Variants in APOBEC2 observed in about 807,000 individuals in gnomAD.
APOBEC2 encodes the protein C->U-editing enzyme APOBEC-2.
In APOBEC2, 14 loss-of-function variants were observed where a neutral mutation model predicts 19.4. The ratio of observed to expected loss-of-function variants is 0.72; its 90% CI spans 0.48 to 1.13. The LOEUF is 1.13. Among genes scored for constraint, APOBEC2 ranks in the 50% most tolerant of loss-of-function variants. The probability of loss-of-function intolerance (pLI) is 0.00; values close to 1 mark genes in which losing one functional copy is unlikely to be tolerated. For missense variants in APOBEC2, 304 were observed against 277.0 expected (o/e 1.10, Z -0.69); for synonymous variants, 127 against 112.1 (o/e 1.13, Z -0.84).
intron 1 of APOBEC2, among the ~76,000 whole-genome samples, 167 bp from the exon 2 acceptor site, chr6:41,061,156 CTTTTT>C (rs35586672): frequency 4.7e-5 from 5 of 105,652 alleles, no homozygotes; most frequent in Non-Finnish European, 5.5e-5. Flanking sequence ...TTTTTTAATG[CTTTTT>C]TTTTTTTTTT....
chr6:41,063,750 G>A (rs947560733), intron 2 of APOBEC2, among the ~76,000 whole-genome samples: 4 of 147,240 alleles, frequency 2.7e-5, no homozygotes, highest in East Asian at 4.0e-4. Flanking sequence ...CTTGAGAAAT[G>A]AGCATTTGTT....
intron 1 of APOBEC2, among the ~76,000 whole-genome samples, chr6:41,061,078 C>T (rs906706330): frequency 6.6e-6 from 1 of 151,606 alleles, no homozygotes; most frequent in African/African-American, 2.4e-5. Flanking sequence ...GAGACAATGT[C>T]CTAGTAGGGT....
At chr6:41,058,725 G>A (rs148228459) in intron 1 of APOBEC2, among the ~76,000 whole-genome samples, 13 of 152,212 alleles carry the variant, frequency 8.5e-5, no homozygotes, top group East Asian at 3.9e-4. Context: ...TAGCTATTTC[G>A]GTCTGTGAGA....
In APOBEC2 at chr6:41,053,421, A is replaced by G. The variant is rs765323489; in HGVS notation, c.74A>G (p.Asp25Gly). 2 of 1,614,212 alleles carry G rather than the reference A, an allele frequency of 1.2e-6. No individual in the cohort carries two copies. The highest frequency in any genetic ancestry group is 2.2e-5 in the South Asian group (2 of 91,082). ...SQNGEDLENLDDPEKLKELIE... is the reference protein window; with the variant it reads ...SQNGEDLENLGDPEKLKELIE... ...AATGGGGAGGATCTGGAGAACCTGG[A>G]CGACCCTGAGAAGCTGAAAGAGCTG... The change falls in exon 1 of 3, where the codon GAC becomes GGC. Residue 25 changes from aspartate (D) to glycine (G), a missense_variant. Physicochemically the swap from Asp to Gly is moderately conservative, Grantham distance 94 (BLOSUM62 -1). Transcript: ENST00000244669.
Position 41,064,643 on chromosome 6 carries a change from TG to T in APOBEC2, c.*565del, listed in dbSNP as rs1247312796. The T allele has an allele frequency of 6.6e-6, 1 of 152,044 alleles. No individual in the cohort carries two copies. Among genetic ancestry groups the T allele is most frequent in the Non-Finnish European group, 1.5e-5 (1 of 68,014 alleles). The allele number at this position is 152,044 out of a possible 1,614,324, so 9.4% of individuals were successfully genotyped here. A position where few individuals can be genotyped will look rare whatever the true frequency, so the allele number is the denominator to read the frequency against. On this transcript the variant is annotated 3_prime_UTR_variant, in exon 3 of 3. Coordinates refer to ENST00000244669, the MANE Select transcript of APOBEC2 (RefSeq NM_006789.4). The stretch of plus-strand genomic sequence containing the variant: ...GTTAAACCAAGACTTGCCTAGACAA[TG>T]CAGAATAACTCTCCCATACAGACTT...
chr6:41,063,837 T>A (rs999145475), intron 2 of APOBEC2, among the ~76,000 whole-genome samples: 20 of 151,428 alleles, frequency 1.3e-4, no homozygotes, highest in African/African-American at 4.4e-4. Context: ...TATTTAATCC[T>A]ATATTTAGTC....
intron 2 of APOBEC2, among the ~76,000 whole-genome samples, chr6:41,063,749 T>C (rs1762911944): frequency 6.7e-6 from 1 of 150,370 alleles, no homozygotes; most frequent in South Asian, 2.1e-4. Flanking sequence ...TCTTGAGAAA[T>C]GAGCATTTGT....
rs779393855 is a variant in APOBEC2 at position 41,061,596 on chromosome 6, C to A, written c.400C>A (p.Arg134Ser). The A allele has an allele frequency of 1.2e-6, 2 of 1,614,212 alleles. No homozygotes were observed. Among genetic ancestry groups the A allele is most frequent in the Non-Finnish European group, 1.7e-6 (2 of 1,180,036 alleles). The stretch of plus-strand genomic sequence containing the variant: ...CAGCCCCTGTGCAGCGTGTGCTGAC[C>A]GCATTATCAAAACCCTTAGCAAGAC... The part of the protein sequence containing the change: ...SSSPCAACAD[R>S]IIKTLSKTKN... Residue 134 changes from arginine (R) to serine (S), a missense_variant, in exon 2 of 3, where the codon CGC becomes AGC. Arg to Ser is a moderately radical substitution (Grantham distance 110, BLOSUM62 -1). Transcript: ENST00000244669.
At chr6:41,059,350 G>A (rs1483208022) in intron 1 of APOBEC2, among the ~76,000 whole-genome samples, 2 of 152,126 alleles carry the variant, frequency 1.3e-5, no homozygotes, top group African/African-American at 2.4e-5. Flanking sequence ...AGCAAGTTTG[G>A]GCAGGAACGG....
chr6:41,053,959 C>G (rs1762763091), intron 1 of APOBEC2, among the ~76,000 whole-genome samples: 2 of 152,164 alleles, frequency 1.3e-5, no homozygotes, highest in Admixed American at 6.5e-5. Context: ...TAGATGCTCC[C>G]AAGACAGGAA....
At chr6:41,055,656 T>C (rs892868380) in intron 1 of APOBEC2, among the ~76,000 whole-genome samples, 1 of 152,080 alleles carries the variant, frequency 6.6e-6, no homozygotes, top group African/African-American at 2.4e-5. Context: ...CAGTCCGACA[T>C]GAGGAGGGTA....
chr6:41,053,527 C>T lies in APOBEC2; in HGVS notation c.131+49C>T, dbSNP rs1561836189. ...GTTCTGCTCCCTAGAAGAGTGCAGC[C>T]TTGGGTTAGGCTGTGGAAATTCAGG... On this transcript the variant is annotated intron_variant, in intron 1 of 2. Transcript: ENST00000244669. 3.1e-6 allele frequency: 5 copies of T among 1,608,246 alleles called. No homozygotes were observed. The South Asian group carries it at 3.3e-5, about 11-fold the overall frequency.
At chr6:41,059,295 G>GT (rs780507309) in intron 1 of APOBEC2, among the ~76,000 whole-genome samples, 5 of 152,182 alleles carry the variant, frequency 3.3e-5, no homozygotes, top group Admixed American at 1.3e-4. Context: ...CATCATATAG[G>GT]TGGCCCTGGA....
chr6:41,053,401 G>T lies in APOBEC2; in HGVS notation c.54G>T (p.Gly18=). 2 of 1,614,152 alleles carry T rather than the reference G, an allele frequency of 1.2e-6. No individual in the cohort carries two copies. Among genetic ancestry groups the T allele is most frequent in the South Asian group, 2.2e-5 (2 of 91,082 alleles). Reference sequence around the variant, plus strand: ...CCACTGAGGCTGCCTCCCAGAATGGGGAGGATCTGGAGAACCTGGACGACC... The same window carrying T: ...CCACTGAGGCTGCCTCCCAGAATGGTGAGGATCTGGAGAACCTGGACGACC... ...AVATEAASQN[G]EDLENLDDPE... is the part of the protein sequence containing the mutation. The change falls in exon 1 of 3, where the codon GGG becomes GGT. Residue 18 remains glycine, a synonymous_variant. Coordinates refer to ENST00000244669, the MANE Select transcript of APOBEC2 (RefSeq NM_006789.4).
rs2114034177 is a variant in APOBEC2, at chr6:41,064,575, T to A, written c.*496T>A. 6.6e-6 allele frequency: 1 copy of A among 152,264 alleles called. No homozygotes were observed. Among genetic ancestry groups the A allele is most frequent in the Admixed American group, 6.5e-5 (1 of 15,294 alleles). The allele number at this position is 152,264 out of a possible 1,614,324, so 9.4% of individuals were successfully genotyped here. A position where few individuals can be genotyped will look rare whatever the true frequency, so the allele number is the denominator to read the frequency against. On this transcript the variant is annotated 3_prime_UTR_variant, in exon 3 of 3. Transcript: ENST00000244669. Reference sequence around the variant, plus strand: ...TGGAAGTTGCCACAGACAAGCGAGCTAGTCCAGACACAGGGACACTCCAGG... The same window carrying A: ...TGGAAGTTGCCACAGACAAGCGAGCAAGTCCAGACACAGGGACACTCCAGG...
intron 1 of APOBEC2, among the ~76,000 whole-genome samples, chr6:41,055,868 G>A (rs900740170): frequency 6.6e-6 from 1 of 152,230 alleles, no homozygotes; most frequent in African/African-American, 2.4e-5. Context: ...ATATCACCTC[G>A]GGAGCTTGAA....
chr6:41,054,516 C>G (rs191842418), intron 1 of APOBEC2, among the ~76,000 whole-genome samples: 1 of 152,284 alleles, frequency 6.6e-6, no homozygotes, highest in East Asian at 1.9e-4. Context: ...TTCCAGTCAG[C>G]CACAGTTTTA....
Position 41,061,893 on chromosome 6 carries a change from G to C in APOBEC2, c.*21+1G>C, listed in dbSNP as rs374639522. ...GTAGGGCAACTGGGCTTTGCCTCACGTGAGTTTTCCTGGTGCCATGGCACC... is the reference window on the plus strand; with the variant it reads ...GTAGGGCAACTGGGCTTTGCCTCACCTGAGTTTTCCTGGTGCCATGGCACC... On this transcript the variant is annotated splice_donor_variant, in intron 2 of 2. Coordinates refer to ENST00000244669, the MANE Select transcript of APOBEC2 (RefSeq NM_006789.4). LOFTEE classifies it low-confidence loss of function (3UTR_SPLICE). 2 of 1,599,716 alleles carry C rather than the reference G, an allele frequency of 1.3e-6. No homozygotes were observed. Among genetic ancestry groups the C allele is most frequent in the African/African-American group, 1.3e-5 (1 of 74,454 alleles).
chr6:41,056,820 G>GA (rs1308535686), intron 1 of APOBEC2, among the ~76,000 whole-genome samples: 3 of 152,198 alleles, frequency 2.0e-5, no homozygotes, highest in African/African-American at 7.2e-5. Context: ...ACAAGACAGG[G>GA]AATGAACTGG....
Sources: gnomAD v4.1 joint callset for allele counts (sites outside exome capture counted in the v4.1 genomes callset) on GRCh38, gnomAD v4.1.1 for gene constraint, MANE v1.5 for transcripts, NCBI Gene and HGNC (gene_info 2026-07-23, HGNC 2026-07-21) for gene names.